The following MYO18B variants were observed in gnomAD, a reference collection of about 807,000 sequenced individuals.
The protein encoded by MYO18B is myosin XVIIIB.
In MYO18B, 204 loss-of-function variants were observed where a neutral mutation model predicts 273.0. That is an observed-to-expected ratio of 0.75 (90% CI 0.67 to 0.84). The LOEUF is 0.84. Among genes scored for constraint, MYO18B ranks in the 40% least tolerant of loss-of-function variants. MYO18B has a pLI of 0.00. For synonymous variants in MYO18B, 1,330 were observed against 1,305.7 expected, an observed-to-expected ratio of 1.02 and a Z score of -0.40; for missense variants, 3,212 against 3,287.6, an observed-to-expected ratio of 0.98 and a Z score of 0.56.
intron 42 of MYO18B, among the ~76,000 whole-genome samples, chr22:26,008,717 G>C (rs1477241419): frequency 2.0e-5 from 3 of 152,182 alleles, no homozygotes; most frequent in African/African-American, 4.8e-5. Context: ...TTGTTCAGGA[G>C]TTTCTCTTAA....
chr22:25,863,042 T>C (rs570719234), intron 21 of MYO18B, among the ~76,000 whole-genome samples: 1 of 152,344 alleles, frequency 6.6e-6, no homozygotes, highest in African/African-American at 2.4e-5. Flanking sequence ...ATAGTTTCTA[T>C]TGATCTATTT....
intron 9 of MYO18B, among the ~76,000 whole-genome samples, chr22:25,781,523 T>A (rs1341477002): frequency 6.7e-6 from 1 of 148,616 alleles, no homozygotes; most frequent in Non-Finnish European, 1.5e-5. Context: ...GGCAGGAGAA[T>A]AGCGTGAAGC....
intron 23 of MYO18B, among the ~76,000 whole-genome samples, chr22:25,875,379 T>C (rs1173224885): frequency 9.2e-5 from 14 of 152,216 alleles, no homozygotes; most frequent in Admixed American, 9.2e-4. Context: ...AGTTGAGGTG[T>C]GTGAGATGCT....
the MYO18B span, among the ~76,000 whole-genome samples, chr22:26,052,963 C>T: frequency 4.6e-3 from 697 of 151,912 alleles, 9 homozygotes; most frequent in African/African-American, 0.016. Context: ...CCACCACGCC[C>T]AGCTAATTTT....
At chr22:26,031,420 C>G (rs148915264), downstream of MYO18B, among the ~76,000 whole-genome samples, 1 of 152,158 alleles carries the variant, frequency 6.6e-6, no homozygotes, top group Non-Finnish European at 1.5e-5. Flanking sequence ...GGCCTCTCTC[C>G]GTAGCTGGTA....
At chr22:25,774,979 G>C (rs1218093877) in intron 7 of MYO18B, among the ~76,000 whole-genome samples, 2 of 152,266 alleles carry the variant, frequency 1.3e-5, no homozygotes, top group Non-Finnish European at 2.9e-5. Context: ...AAGGGCACAT[G>C]TACACAGATG....
At chr22:25,803,242 C>T (rs1398409686) in intron 12 of MYO18B, among the ~76,000 whole-genome samples, 2 of 152,118 alleles carry the variant, frequency 1.3e-5, no homozygotes, top group Non-Finnish European at 2.9e-5. Context: ...GGATTACAGG[C>T]GTGAGCCACC....
At position 25,908,437 on chromosome 22, in the gene MYO18B, G is replaced by A. The variant is rs768590311; in HGVS notation, c.5259+5G>A. 8 of 1,573,916 alleles carry A rather than the reference G, an allele frequency of 5.1e-6. No homozygotes were observed. The highest frequency in any genetic ancestry group is 2.3e-5 in the East Asian group (1 of 42,718). On this transcript the variant is annotated splice_donor_5th_base_variant and intron_variant, in intron 32 of 43. Coordinates refer to ENST00000335473, the MANE Select transcript of MYO18B (RefSeq NM_032608.7). ...CGTCAGTCCTGCCAGAAGCGGGTACGTGAGCAGTGAACACAGCTGTGCCCT... is the reference window on the plus strand; with the variant it reads ...CGTCAGTCCTGCCAGAAGCGGGTACATGAGCAGTGAACACAGCTGTGCCCT...
At chr22:25,799,015 A>C (rs1169765483) in intron 12 of MYO18B, among the ~76,000 whole-genome samples, 1 of 151,906 alleles carries the variant, frequency 6.6e-6, no homozygotes, top group Non-Finnish European at 1.5e-5. Flanking sequence ...CCATCCCCCT[A>C]GTTCTTACCC....
At chr22:25,772,962 G>T (rs1335050769) in intron 7 of MYO18B, among the ~76,000 whole-genome samples, 5 of 152,130 alleles carry the variant, frequency 3.3e-5, no homozygotes, top group Non-Finnish European at 5.9e-5. Context: ...CAGGATACAG[G>T]GCTCCTGTGT....
At chr22:25,799,073 A>G (rs1428904769) in intron 12 of MYO18B, among the ~76,000 whole-genome samples, 4 of 151,438 alleles carry the variant, frequency 2.6e-5, no homozygotes, top group African/African-American at 9.7e-5. Flanking sequence ...TCTCTGTGAC[A>G]TCATTTCTGT....
At chr22:25,763,089 C>T in intron 2 of MYO18B, 142 bp from the exon 3 acceptor site, 1 of 964,390 alleles carries the variant, frequency 1.0e-6, no homozygotes, top group Non-Finnish European at 1.7e-6. Flanking sequence ...GCCTCACCTG[C>T]TTGGCTGTGG....
chr22:25,819,112 T>C (rs1164292084), intron 12 of MYO18B, among the ~76,000 whole-genome samples: 1 of 152,034 alleles, frequency 6.6e-6, no homozygotes, highest in Non-Finnish European at 1.5e-5. Flanking sequence ...ATCCATGGGA[T>C]TGGATTTTGT....
chr22:25,771,029 C>A, intron 6 of MYO18B, 45 bp downstream of exon 6: 1 of 1,307,576 alleles, frequency 7.6e-7, no homozygotes, highest in Non-Finnish European at 1.1e-6. Context: ...TCCCCTGTCC[C>A]ACTTCACCCC....
chr22:25,753,101 C>T (rs1046080448), intron 1 of MYO18B, among the ~76,000 whole-genome samples: 1 of 152,192 alleles, frequency 6.6e-6, no homozygotes, highest in Admixed American at 6.5e-5. Flanking sequence ...GTTAGGATCG[C>T]GCGCGGCCAG....
At chr22:25,770,404 CCA>C (rs2086675397) in intron 5 of MYO18B, among the ~76,000 whole-genome samples, 1 of 152,178 alleles carries the variant, frequency 6.6e-6, no homozygotes, top group East Asian at 1.9e-4. Context: ...TTCGAGGAAG[CCA>C]GAGTCTGGTA....
At chr22:25,994,872 C>G (rs1215883624) in intron 40 of MYO18B, among the ~76,000 whole-genome samples, 1 of 152,194 alleles carries the variant, frequency 6.6e-6, no homozygotes, top group Non-Finnish European at 1.5e-5. Context: ...CCATCTTTGG[C>G]CAGTACACAA....
intron 15 of MYO18B, among the ~76,000 whole-genome samples, chr22:25,832,199 A>T (rs944923729): frequency 6.6e-6 from 1 of 152,182 alleles, no homozygotes; most frequent in African/African-American, 2.4e-5. Flanking sequence ...AGAATGGTGG[A>T]CCTCAAAACC....
chr22:26,017,960 CTGTTTTG>C (rs1935498110), intron 42 of MYO18B, among the ~76,000 whole-genome samples: 1 of 86,962 alleles, frequency 1.1e-5, no homozygotes, highest in African/African-American at 5.2e-5. Context: ...TCCAATTTTA[CTGTTTTG>C]TTTTTTTTTT....
Sources: allele counts gnomAD v4.1 joint callset (sites outside exome capture counted in the v4.1 genomes callset), GRCh38; gene constraint gnomAD v4.1.1; transcripts MANE v1.5; gene names NCBI Gene and HGNC (gene_info 2026-07-23, HGNC 2026-07-21).